The following PIK3CD variants were observed in gnomAD, a reference collection of about 807,000 sequenced individuals.
PIK3CD encodes the protein phosphatidylinositol 4,5-bisphosphate 3-kinase catalytic subunit delta isoform.
A neutral mutation model predicts 122.9 loss-of-function variants in PIK3CD; 20 were observed. The observed-to-expected ratio is 0.16, with a 90% CI of 0.11 to 0.24. The LOEUF (loss-of-function observed/expected upper bound fraction) is 0.24. Among genes scored for constraint, PIK3CD ranks in the 10% least tolerant of loss-of-function variants. The probability of loss-of-function intolerance (pLI) is 1.00; values close to 1 mark genes in which losing one functional copy is unlikely to be tolerated. For missense variants in PIK3CD, 787 were observed against 1,406.3 expected (o/e 0.56, Z 7.04); for synonymous variants, 596 against 593.4 (o/e 1.00, Z -0.06).
At chr1:9,635,642 C>G in the PIK3CD span, among the ~76,000 whole-genome samples, 1 of 152,234 alleles carries the variant, frequency 6.6e-6, no homozygotes, top group African/African-American at 2.4e-5. Flanking sequence ...TGACTGGAGA[C>G]TGCTGGTGTA....
At chr1:9,683,884 A>G (rs147942271) in intron 1 of PIK3CD, among the ~76,000 whole-genome samples, 10 of 152,228 alleles carry the variant, frequency 6.6e-5, no homozygotes, top group Non-Finnish European at 1.0e-4. Flanking sequence ...TTCATCACTC[A>G]TGTCTGGTAC....
intron 1 of PIK3CD, chr1:9,654,250 A>G (rs748931584): frequency 2.2e-6 from 3 of 1,367,726 alleles, no homozygotes; most frequent in East Asian, 9.1e-5. Flanking sequence ...CCGACCACGC[A>G]GATGTCCCCT....
At chr1:9,702,691 T>G (rs543861336) in intron 2 of PIK3CD, among the ~76,000 whole-genome samples, 1 of 151,110 alleles carries the variant, frequency 6.6e-6, no homozygotes, top group Non-Finnish European at 1.5e-5. Flanking sequence ...CGGCTAACTT[T>G]TGTATTTTTA....
In PIK3CD at chr1:9,722,448, G is replaced by C; in HGVS notation, c.2348-80G>C. On this transcript the variant is annotated intron_variant, in intron 18 of 23. Transcript: ENST00000377346. This position sits in a 1 kb window ranked among gnomAD's most constrained non-coding sequence, Gnocchi z 7.6. The stretch of plus-strand genomic sequence containing the variant: ...GGGGGTGGAGAAGACAGAATCCTGG[G>C]ACTTAAGGGCTTGGGTGTAGCTGGA... 6.5e-7 allele frequency: 1 copy of C among 1,541,718 alleles called. No individual in the cohort carries two copies. Among genetic ancestry groups the C allele is most frequent in the Admixed American group, 1.7e-5 (1 of 59,894 alleles).
Position 9,722,625 on chromosome 1 carries a change from C to A in PIK3CD, c.2426+19C>A. 6.2e-7 allele frequency: 1 copy of A among 1,602,730 alleles called. No homozygotes were observed. Among genetic ancestry groups the A allele is most frequent in the Non-Finnish European group, 8.5e-7 (1 of 1,169,982 alleles). ...ACCTGAGGTGAGGACCCCCACCCCA[C>A]ATCGTCCCTTGGTGTCTGTGCCCAG... On this transcript the variant is annotated intron_variant, in intron 19 of 23. Transcript: ENST00000377346. This position sits in a 1 kb window ranked among gnomAD's most constrained non-coding sequence, Gnocchi z 7.6.
the PIK3CD span, among the ~76,000 whole-genome samples, chr1:9,643,453 A>C: frequency 1.1e-5 from 1 of 89,864 alleles, no homozygotes; most frequent in African/African-American, 4.6e-5. Flanking sequence ...GAAGGAAGGA[A>C]GGGAGGGAGG....
the PIK3CD span, among the ~76,000 whole-genome samples, chr1:9,643,321 T>G: frequency 6.6e-6 from 1 of 150,698 alleles, no homozygotes; most frequent in Non-Finnish European, 1.5e-5. Flanking sequence ...GAGGCAGGAA[T>G]TGCTTGAACC....
chr1:9,726,871 G>A (rs762822859), intron 23 of PIK3CD, 38 bp from the exon 24 acceptor site: 92 of 1,613,268 alleles, frequency 5.7e-5, no homozygotes, highest in Non-Finnish European at 7.7e-5. Context: ...CAAGGTCCGG[G>A]CCCCCTTAAC....
At chr1:9,668,030 G>A (rs909212017) in intron 1 of PIK3CD, among the ~76,000 whole-genome samples, 1 of 151,210 alleles carries the variant, frequency 6.6e-6, no homozygotes, top group Admixed American at 6.6e-5. Context: ...TGGGATTACA[G>A]GAGTGAGCCA....
the PIK3CD span, among the ~76,000 whole-genome samples, chr1:9,629,622 G>A: frequency 2.6e-5 from 4 of 152,304 alleles, no homozygotes; most frequent in African/African-American, 9.6e-5. Context: ...TTGCCTGTCT[G>A]TAAAATGGGG....
intron 1 of PIK3CD, among the ~76,000 whole-genome samples, chr1:9,685,545 G>A (rs1430795660): frequency 1.3e-5 from 2 of 152,090 alleles, no homozygotes. Flanking sequence ...TTTTAGTAGA[G>A]ATGGGGTTTC....
rs929795781 is a variant in PIK3CD at position 9,717,252 on chromosome 1, A to G, written c.930+144A>G. The G allele has an allele frequency of 2.6e-5, 29 of 1,118,004 alleles. No homozygotes were observed. In the African/African-American group the frequency reaches 4.3e-4, roughly 17 times the overall value. 69.3% of individuals were successfully genotyped at this position (1,118,004 alleles called of 1,614,324 possible). ...GCTGGGGAAGCCAACACAGCTGACC[A>G]GCGTCCTGGGCTGGGGGCCTGTGGG... On this transcript the variant is annotated intron_variant, in intron 7 of 23. Coordinates refer to ENST00000377346, the MANE Select transcript of PIK3CD (RefSeq NM_005026.5). The surrounding 1 kb of genome is among the most constrained non-coding windows in gnomAD (Gnocchi z 5.4).
intron 2 of PIK3CD, among the ~76,000 whole-genome samples, chr1:9,706,735 TTAAA>T (rs1646846812): frequency 6.6e-6 from 1 of 152,186 alleles, no homozygotes; most frequent in Non-Finnish European, 1.5e-5. Flanking sequence ...CTATATTGGG[TTAAA>T]TAAAATACAT....
At chr1:9,660,882 A>C (rs1644990596) in intron 1 of PIK3CD, 1 of 150,150 alleles carries the variant, frequency 6.7e-6, no homozygotes, top group Non-Finnish European at 1.5e-5. Flanking sequence ...TTCATTTCCT[A>C]CATGGTGAGA....
chr1:9,708,626 T>C (rs1351547395), intron 2 of PIK3CD, among the ~76,000 whole-genome samples: 1 of 151,900 alleles, frequency 6.6e-6, no homozygotes, highest in African/African-American at 2.4e-5. Flanking sequence ...GGCAGGTGGA[T>C]CACTTGAGGT....
chr1:9,702,905 C>T (rs928825407), intron 2 of PIK3CD, among the ~76,000 whole-genome samples: 1 of 152,036 alleles, frequency 6.6e-6, no homozygotes, highest in Non-Finnish European at 1.5e-5. Flanking sequence ...TAGCTGTAAG[C>T]GGCCAAAAAC....
At chr1:9,637,058 C>T in the PIK3CD span, among the ~76,000 whole-genome samples, 13 of 152,012 alleles carry the variant, frequency 8.6e-5, no homozygotes, top group South Asian at 2.1e-4. Flanking sequence ...CCACCACGCC[C>T]GGCTAATTTT....
the PIK3CD span, among the ~76,000 whole-genome samples, chr1:9,642,535 G>A: frequency 4.7e-5 from 7 of 149,368 alleles, no homozygotes; most frequent in Non-Finnish European, 9.0e-5. Context: ...GGCTAACATG[G>A]TGAAACCCTG....
intron 1 of PIK3CD, among the ~76,000 whole-genome samples, chr1:9,666,909 T>C (rs6697592): frequency 0.25 from 37,823 of 150,430 alleles, 6,363 homozygotes; most frequent in East Asian, 0.66. Context: ...TCTGTTGCCC[T>C]GGCTGGAGTG....
Sources: gnomAD v4.1 joint callset for allele counts (sites outside exome capture counted in the v4.1 genomes callset) on GRCh38, gnomAD v4.1.1 for gene constraint, Gnocchi (gnomAD v3.1) non-coding constraint, MANE v1.5 for transcripts, NCBI Gene and HGNC (gene_info 2026-07-23, HGNC 2026-07-21) for gene names.